The following THSD7B variants were observed in gnomAD, a reference collection of about 807,000 sequenced individuals.
THSD7B encodes thrombospondin type-1 domain-containing protein 7B.
A neutral mutation model predicts 213.6 loss-of-function variants in THSD7B; 138 were observed. The observed-to-expected ratio is 0.65, with a 90% CI of 0.56 to 0.74. THSD7B has a LOEUF of 0.74. Among genes scored for constraint, THSD7B ranks in the 30% least tolerant of loss-of-function variants. The pLI, the probability that THSD7B is intolerant of heterozygous loss-of-function variation, is 0.00. For missense variants in THSD7B, 1,931 were observed against 1,991.5 expected (o/e 0.97, Z 0.58); for synonymous variants, 742 against 687.0 (o/e 1.08, Z -1.25).
At chr2:136,923,586 G>A (rs1034756456) in intron 2 of THSD7B, among the ~76,000 whole-genome samples, 3 of 151,980 alleles carry the variant, frequency 2.0e-5, no homozygotes, top group African/African-American at 7.3e-5. Flanking sequence ...ATCATACAAG[G>A]GTTCCAATTT....
intron 12 of THSD7B, among the ~76,000 whole-genome samples, chr2:137,354,782 A>G (rs903403010): frequency 6.6e-6 from 1 of 150,966 alleles, no homozygotes; most frequent in East Asian, 1.9e-4. Context: ...ACTCAGTCCT[A>G]TTTCCATTGA....
intron 1 of THSD7B, among the ~76,000 whole-genome samples, chr2:136,818,850 A>G (rs1368550555): frequency 1.3e-5 from 2 of 152,120 alleles, no homozygotes; most frequent in Non-Finnish European, 2.9e-5. Context: ...TTGGTGGCTT[A>G]TAACTCTAAT....
At chr2:136,964,683 A>T (rs1315328793) in intron 2 of THSD7B, among the ~76,000 whole-genome samples, 1 of 152,112 alleles carries the variant, frequency 6.6e-6, no homozygotes, top group Non-Finnish European at 1.5e-5. Flanking sequence ...TCCAGCTGTC[A>T]TCTCATTTCT....
At chr2:136,900,316 T>A (rs1684042267) in intron 2 of THSD7B, among the ~76,000 whole-genome samples, 1 of 152,226 alleles carries the variant, frequency 6.6e-6, no homozygotes, top group Non-Finnish European at 1.5e-5. Context: ...CCTTTCTCTT[T>A]GTAGTAAGTT....
At chr2:137,372,323 CTTTTTTTTTTTT>C (rs55635315) in intron 12 of THSD7B, among the ~76,000 whole-genome samples, 72 of 57,548 alleles carry the variant, frequency 1.3e-3, no homozygotes, top group African/African-American at 3.3e-3. Context: ...TGATAATACT[CTTTTTTTTTTTT>C]TTTTTTTTTT....
chr2:136,829,054 C>G (rs139325209), intron 1 of THSD7B, among the ~76,000 whole-genome samples: 2 of 152,200 alleles, frequency 1.3e-5, no homozygotes, highest in Admixed American at 1.3e-4. Flanking sequence ...CAAGGCCACT[C>G]TATTACGTAT....
At chr2:136,790,107 T>TTGTGTG (rs1681935301) in intron 1 of THSD7B, among the ~76,000 whole-genome samples, 1 of 149,524 alleles carries the variant, frequency 6.7e-6, no homozygotes, top group African/African-American at 2.5e-5. Context: ...CTTTCCTGGT[T>TTGTGTG]TGTGTGTGTG....
At chr2:137,393,903 G>A (rs1686107545) in intron 12 of THSD7B, among the ~76,000 whole-genome samples, 1 of 140,344 alleles carries the variant, frequency 7.1e-6, no homozygotes, top group Non-Finnish European at 1.6e-5. Flanking sequence ...GCATTTCTCT[G>A]ATGGCCAGTG....
chr2:137,610,509 T>A (rs937872127), intron 17 of THSD7B, among the ~76,000 whole-genome samples: 2 of 152,176 alleles, frequency 1.3e-5, no homozygotes, highest in African/African-American at 4.8e-5. Flanking sequence ...AATATTGATA[T>A]GTGTGAGCCC....
intron 12 of THSD7B, among the ~76,000 whole-genome samples, chr2:137,389,226 AATAT>A (rs201188768): frequency 7.7e-6 from 1 of 129,710 alleles, no homozygotes; most frequent in South Asian, 2.6e-4. Context: ...ATGACAAAAT[AATAT>A]ATATATATAG....
At chr2:137,605,044 AT>A (rs1682145837) in intron 17 of THSD7B, among the ~76,000 whole-genome samples, 1 of 152,204 alleles carries the variant, frequency 6.6e-6, no homozygotes, top group African/African-American at 2.4e-5. Context: ...AAATTAGCTA[AT>A]AAGCATAAAT....
chr2:137,579,346 C>T (rs1681527322), intron 17 of THSD7B, among the ~76,000 whole-genome samples: 2 of 152,300 alleles, frequency 1.3e-5, no homozygotes, highest in African/African-American at 4.8e-5. Flanking sequence ...CCATTATACT[C>T]AAACCAAAAC....
chr2:137,453,326 CTTT>C (rs70978223), intron 15 of THSD7B, among the ~76,000 whole-genome samples: 11 of 96,844 alleles, frequency 1.1e-4, no homozygotes, highest in African/African-American at 1.7e-4. Flanking sequence ...TTGAAATTTA[CTTT>C]TTTTTTTTTT....
intron 17 of THSD7B, among the ~76,000 whole-genome samples, chr2:137,598,511 T>A (rs115401597): frequency 6.6e-6 from 1 of 152,300 alleles, no homozygotes; most frequent in African/African-American, 2.4e-5. Flanking sequence ...TACACTGGCT[T>A]GTACAGTAAG....
intron 7 of THSD7B, among the ~76,000 whole-genome samples, chr2:137,220,243 GA>G (rs3083552): frequency 2.3e-4 from 34 of 149,952 alleles, no homozygotes; most frequent in South Asian, 4.2e-4. Flanking sequence ...TTAGAAAATG[GA>G]AAAAAAAAAG....
At chr2:137,283,066 G>C (rs1048389771) in intron 12 of THSD7B, among the ~76,000 whole-genome samples, 6 of 151,940 alleles carry the variant, frequency 3.9e-5, no homozygotes, top group African/African-American at 9.7e-5. Flanking sequence ...TTTGTTTGTA[G>C]CCTCTTTTAT....
rs150166949 is a variant in THSD7B, at chr2:137,177,084, A to G, written c.1723+6146A>G. 3.6e-3 allele frequency among the ~76,000 whole-genome samples: 551 copies of G among 152,334 alleles called. 2 individuals are homozygous for G. Among genetic ancestry groups the G allele is most frequent in the African/African-American group, 0.012 (514 of 41,570 alleles). On this transcript the variant is annotated intron_variant, in intron 7 of 27. Coordinates refer to ENST00000409968, the MANE Select transcript of THSD7B (RefSeq NM_001316349.2). ...TTAAAGAATTACCTTTCAAAGCAGA[A>G]ATGATATACTATCTCATGAGAGATC...
chr2:136,848,433 G>A (rs989836921), intron 1 of THSD7B, among the ~76,000 whole-genome samples: 1 of 151,740 alleles, frequency 6.6e-6, no homozygotes, highest in African/African-American at 2.4e-5. Flanking sequence ...ACCACATTCT[G>A]ACAGCCAGTG....
At chr2:136,867,062 G>T (rs1406974293) in intron 1 of THSD7B, among the ~76,000 whole-genome samples, 3 of 152,074 alleles carry the variant, frequency 2.0e-5, no homozygotes, top group Admixed American at 2.0e-4. Flanking sequence ...CACCCAGTGG[G>T]TCTAGACTAC....
Sources: gnomAD v4.1 joint callset for allele counts (sites outside exome capture counted in the v4.1 genomes callset) on GRCh38, gnomAD v4.1.1 for gene constraint, MANE v1.5 for transcripts, NCBI Gene and HGNC (gene_info 2026-07-23, HGNC 2026-07-21) for gene names.